Variants in CDK7 observed in about 807,000 individuals in gnomAD.
The protein encoded by CDK7 is cyclin dependent kinase 7.
In CDK7, 25 loss-of-function variants were observed where a neutral mutation model predicts 49.1. The ratio of observed to expected loss-of-function variants is 0.51; its 90% CI spans 0.37 to 0.71. The LOEUF (loss-of-function observed/expected upper bound fraction) is 0.71, where lower values mean the gene tolerates loss of function less well. Among genes scored for constraint, CDK7 ranks in the 30% least tolerant of loss-of-function variants. The pLI, the probability that CDK7 is intolerant of heterozygous loss-of-function variation, is 0.00. For missense variants in CDK7, 316 were observed against 411.7 expected, an observed-to-expected ratio of 0.77 and a Z score of 2.01; for synonymous variants, 107 against 140.0, an observed-to-expected ratio of 0.76 and a Z score of 1.67.
At chr5:69,249,112 C>G (rs1016918530) in intron 2 of CDK7, among the ~76,000 whole-genome samples, 13 of 151,950 alleles carry the variant, frequency 8.6e-5, no homozygotes, top group African/African-American at 3.1e-4. Context: ...CTTAGATTTG[C>G]CCTTTTGAGC....
chr5:69,261,010 G>T (rs985295953), intron 7 of CDK7, among the ~76,000 whole-genome samples: 1 of 151,950 alleles, frequency 6.6e-6, no homozygotes, highest in Non-Finnish European at 1.5e-5. Flanking sequence ...ATAGAGATGG[G>T]TTTCGCCATG....
intron 8 of CDK7, 74 bp downstream of exon 8, chr5:69,262,378 C>A: frequency 3.1e-6 from 5 of 1,601,454 alleles, no homozygotes; most frequent in Non-Finnish European, 4.3e-6. Flanking sequence ...TATAAGAATT[C>A]TTGTCCTAGG....
At chr5:69,236,607 T>A (rs184279011) in intron 2 of CDK7, among the ~76,000 whole-genome samples, 17 of 152,214 alleles carry the variant, frequency 1.1e-4, no homozygotes, top group South Asian at 2.1e-4. Flanking sequence ...ACTGACTACT[T>A]CTTCTCAATT....
At chr5:69,273,319 ATACTT>A (rs67129724) in intron 10 of CDK7, among the ~76,000 whole-genome samples, 24,691 of 151,908 alleles carry the variant, frequency 0.16, 3,286 homozygotes, top group African/African-American at 0.37. Flanking sequence ...TGGCTTGTAA[ATACTT>A]TACTTAGAAA....
At chr5:69,235,977 A>G (rs917079290) in intron 2 of CDK7, among the ~76,000 whole-genome samples, 1 of 152,234 alleles carries the variant, frequency 6.6e-6, no homozygotes, top group Admixed American at 6.5e-5. Context: ...GCGGTGGCTC[A>G]CGCCTGTAAT....
chr5:69,253,035 G>A (rs1318620081), intron 3 of CDK7, among the ~76,000 whole-genome samples: 1 of 152,028 alleles, frequency 6.6e-6, no homozygotes, highest in Non-Finnish European at 1.5e-5. Context: ...CTTCATTACT[G>A]TTTTAGGTGT....
At chr5:69,267,353 C>T (rs995279398) in intron 8 of CDK7, among the ~76,000 whole-genome samples, 7 of 126,876 alleles carry the variant, frequency 5.5e-5, no homozygotes, top group Admixed American at 4.1e-4. Flanking sequence ...GGCTGGAGTG[C>T]GGTGGCGTGA....
chr5:69,235,371 G>A (rs1215762140), intron 1 of CDK7, 23 bp from the exon 2 acceptor site: 1 of 1,536,120 alleles, frequency 6.5e-7, no homozygotes, highest in Non-Finnish European at 9.0e-7. Context: ...ATAAACTTAT[G>A]TTATTTCTAT....
chr5:69,244,045 A>G lies in CDK7; in HGVS notation c.127-8373A>G, dbSNP rs555087120. On this transcript the variant is annotated intron_variant, in intron 2 of 11. Transcript: ENST00000256443. ...GACGGGGTTTCACTATGTTGGCCAG[A>G]CTAGTCTTGAACTCCTGACCTCGTG... Among the ~76,000 whole-genome samples the G allele has an allele frequency of 3.4e-3, 490 of 143,404 alleles. 3 individuals carry two copies. The highest frequency in any genetic ancestry group is 0.013 in the African/African-American group (467 of 34,770). 94.1% of individuals were successfully genotyped at this position (143,404 alleles called of 152,430 possible).
intron 2 of CDK7, among the ~76,000 whole-genome samples, chr5:69,241,427 TCTC>T (rs1342313363): frequency 6.6e-6 from 1 of 150,384 alleles, no homozygotes; most frequent in East Asian, 2.0e-4. Context: ...TTCAAGCAAT[TCTC>T]CTGCCTCAGC....
At chr5:69,269,868 C>T (rs1160571120) in intron 9 of CDK7, among the ~76,000 whole-genome samples, 1 of 150,870 alleles carries the variant, frequency 6.6e-6, no homozygotes, top group Non-Finnish European at 1.5e-5. Flanking sequence ...CAGGCATGAG[C>T]CAGCGCACTT....
intron 2 of CDK7, among the ~76,000 whole-genome samples, chr5:69,251,574 C>G (rs770558695): frequency 2.7e-4 from 41 of 152,120 alleles, no homozygotes; most frequent in Non-Finnish European, 4.3e-4. Context: ...CAGTCTCTCT[C>G]TGTTGCCTAG....
intron 2 of CDK7, among the ~76,000 whole-genome samples, chr5:69,235,731 G>A (rs541072885): frequency 6.6e-6 from 1 of 152,306 alleles, no homozygotes; most frequent in South Asian, 2.1e-4. Context: ...TCGGTCCTCA[G>A]AACTATTGGA....
Position 69,258,113 on chromosome 5 carries a change from A to C in CDK7, c.368A>C (p.Gln123Pro). The change falls in exon 6 of 12, where the codon CAA (glutamine) becomes CCA (proline). Residue 123 changes from glutamine to proline, a missense_variant. Coordinates refer to ENST00000256443, the MANE Select transcript of CDK7 (RefSeq NM_001799.4). ...AAAGCCTACATGTTGATGACTCTTC[A>C]AGGATTAGAATATTTACATCAACAT... ...HIKAYMLMTL[Q>P]GLEYLHQHWI... is the part of the protein sequence containing the mutation. 6.3e-7 allele frequency: 1 copy of C among 1,590,332 alleles called. No individual in the cohort carries two copies. Among genetic ancestry groups the C allele is most frequent in the South Asian group, 1.1e-5 (1 of 88,482 alleles).
At chr5:69,266,970 T>C (rs943881688) in intron 8 of CDK7, among the ~76,000 whole-genome samples, 4 of 152,182 alleles carry the variant, frequency 2.6e-5, no homozygotes, top group Non-Finnish European at 4.4e-5. Flanking sequence ...AAAGAACCAA[T>C]TTTTATTATA....
rs201961946 is a variant in CDK7, at chr5:69,252,394, T to A, written c.127-24T>A. On this transcript the variant is annotated intron_variant, in intron 2 of 11. Transcript: ENST00000256443. ...TAATTTAACACATTTTTAATATATT[T>A]GGGTTTTTTTCCGTTTCTACCAGAT... is the stretch of plus-strand genomic sequence containing the variant. The A allele has an allele frequency of 4.9e-4, 690 of 1,404,192 alleles. No homozygotes were observed. The highest frequency in any genetic ancestry group is 8.1e-4 in the Admixed American group (40 of 49,468). The allele number at this position is 1,404,192 out of a possible 1,614,324, so 87.0% of individuals were successfully genotyped here. A position where few individuals can be genotyped will look rare whatever the true frequency, so the allele number is the denominator to read the frequency against.
rs1168767153 is a variant in CDK7 at position 69,261,490 on chromosome 5, CTGTGTG to C, written c.528-685_528-680del. ...ATGAAAGCCTGATTGAAAAGGTTCT[CTGTGTG>C]TGTGTGTGTGTGTGTGTGTGTGTGT... is the stretch of plus-strand genomic sequence containing the variant. On this transcript the variant is annotated intron_variant, in intron 7 of 11. Transcript: ENST00000256443. Among the ~76,000 whole-genome samples the C allele has an allele frequency of 2.5e-3, 354 of 139,644 alleles. 2 individuals are homozygous for C. The highest frequency in any genetic ancestry group is 6.2e-3 in the African/African-American group (232 of 37,530). The allele number at this position is 139,644 out of a possible 152,430, so 91.6% of individuals were successfully genotyped here.
intron 10 of CDK7, among the ~76,000 whole-genome samples, chr5:69,273,574 TAAAAC>T (rs1022637629): frequency 1.3e-5 from 2 of 152,008 alleles, no homozygotes; most frequent in Non-Finnish European, 2.9e-5. Flanking sequence ...ATATTTGAAA[TAAAAC>T]AAAAACTGAA....
chr5:69,267,882 A>G (rs189679597), intron 8 of CDK7, among the ~76,000 whole-genome samples: 3 of 152,378 alleles, frequency 2.0e-5, no homozygotes, highest in Admixed American at 2.0e-4. Flanking sequence ...TACAAAAAAC[A>G]AAAGATAATC....
Sources: allele counts gnomAD v4.1 joint callset (sites outside exome capture counted in the v4.1 genomes callset), GRCh38; gene constraint gnomAD v4.1.1; transcripts MANE v1.5; gene names NCBI Gene and HGNC (gene_info 2026-07-23, HGNC 2026-07-21).